Variants in ZC3H12B observed in about 807,000 individuals in gnomAD.
ZC3H12B encodes probable ribonuclease ZC3H12B.
Under a neutral mutation model 43.9 loss-of-function variants are expected in ZC3H12B, and 7 were observed. The ratio of observed to expected loss-of-function variants is 0.16; its 90% CI spans 0.09 to 0.30. ZC3H12B has a LOEUF of 0.30. Ranked by LOEUF, ZC3H12B falls within the 10% of genes least tolerant of loss-of-function variation. ZC3H12B has a pLI of 1.00. For missense variants in ZC3H12B, 475 were observed against 670.2 expected (o/e 0.71, Z 3.22); for synonymous variants, 222 against 241.7 (o/e 0.92, Z 0.76).
the ZC3H12B span, among the ~76,000 whole-genome samples, chrX:65,268,251 A>G: frequency 4.3e-4 from 48 of 112,361 alleles, no homozygotes; most frequent in Non-Finnish European, 8.1e-4. Flanking sequence ...AATAACGAAG[A>G]GACTGAAGAA....
At chrX:65,378,392 A>C (rs1177249158) in intron 2 of ZC3H12B, among the ~76,000 whole-genome samples, 3 of 111,632 alleles carry the variant, frequency 2.7e-5, no homozygotes, top group African/African-American at 9.8e-5. Flanking sequence ...AGACTTTATC[A>C]CTCTGAAAAT....
the ZC3H12B span, among the ~76,000 whole-genome samples, chrX:65,064,038 C>A: frequency 2.7e-5 from 3 of 111,378 alleles, no homozygotes; most frequent in Non-Finnish European, 3.8e-5. Context: ...CTATTTGATT[C>A]TTCTTTCTTT....
the ZC3H12B span, among the ~76,000 whole-genome samples, chrX:65,251,070 G>A: frequency 2.1e-4 from 24 of 111,969 alleles, no homozygotes; most frequent in East Asian, 5.3e-3. Context: ...TATGGTTTTA[G>A]GTCTAACATT....
chrX:65,083,134 G>A, the ZC3H12B span, among the ~76,000 whole-genome samples: 1 of 111,289 alleles, frequency 9.0e-6, no homozygotes, highest in East Asian at 2.8e-4. Context: ...AGCCATATAT[G>A]ACAGACCCAC....
chrX:65,306,911 C>T, the ZC3H12B span, among the ~76,000 whole-genome samples: 2 of 112,009 alleles, frequency 1.8e-5, no homozygotes, highest in African/African-American at 6.5e-5. Flanking sequence ...AGTGAAAGAG[C>T]CTGACAAATT....
At chrX:65,154,374 T>A in the ZC3H12B span, among the ~76,000 whole-genome samples, 25,561 of 111,440 alleles carry the variant, frequency 0.23, 7,162 homozygotes, top group African/African-American at 0.8. Flanking sequence ...TTATGTTTTC[T>A]GTTTTGCACT....
At chrX:65,294,935 A>T in the ZC3H12B span, among the ~76,000 whole-genome samples, 1 of 110,787 alleles carries the variant, frequency 9.0e-6, no homozygotes, top group African/African-American at 3.3e-5. Flanking sequence ...ACAGCACTAG[A>T]CAGGTCATAA....
chrX:65,113,083 G>A, the ZC3H12B span, among the ~76,000 whole-genome samples: 1 of 111,474 alleles, frequency 9.0e-6, no homozygotes, highest in Admixed American at 9.5e-5. Flanking sequence ...CCTTATGGAT[G>A]ACATTGAGGG....
At chrX:65,198,230 T>G in the ZC3H12B span, among the ~76,000 whole-genome samples, 1 of 112,291 alleles carries the variant, frequency 8.9e-6, no homozygotes, top group Non-Finnish European at 1.9e-5. Flanking sequence ...TTATTTTTTA[T>G]TGGATTATCT....
chrX:65,262,796 ATTG>A, the ZC3H12B span, among the ~76,000 whole-genome samples: 1 of 110,450 alleles, frequency 9.1e-6, no homozygotes, highest in Non-Finnish European at 1.9e-5. Flanking sequence ...ATTTTCATGC[ATTG>A]TTATTTTTAT....
the ZC3H12B span, among the ~76,000 whole-genome samples, chrX:65,101,704 C>T: frequency 4.5e-5 from 5 of 111,836 alleles, no homozygotes; most frequent in Non-Finnish European, 9.4e-5. Context: ...GAAGTCAAAT[C>T]CCTGAATAGA....
chrX:65,147,762 G>A, the ZC3H12B span, among the ~76,000 whole-genome samples: 1 of 110,884 alleles, frequency 9.0e-6, no homozygotes, highest in Non-Finnish European at 1.9e-5. Context: ...TGGAGTCTGG[G>A]GCCATGGAGT....
At chrX:65,355,192 AT>A in the ZC3H12B span, among the ~76,000 whole-genome samples, 2 of 111,571 alleles carry the variant, frequency 1.8e-5, no homozygotes, top group Non-Finnish European at 3.8e-5. Flanking sequence ...GAAGAAAAAA[AT>A]GTTAAGGGCA....
the ZC3H12B span, among the ~76,000 whole-genome samples, chrX:65,071,198 T>G: frequency 9.0e-6 from 1 of 110,716 alleles, no homozygotes; most frequent in African/African-American, 3.3e-5. Flanking sequence ...CCCTTTACCA[T>G]TATATAATGC....
At chrX:65,058,724 C>G in the ZC3H12B span, among the ~76,000 whole-genome samples, 1 of 111,923 alleles carries the variant, frequency 8.9e-6, no homozygotes, top group Non-Finnish European at 1.9e-5. Flanking sequence ...TGGGCTCCAC[C>G]CAGTTCAAGC....
At chrX:65,039,900 T>A in the ZC3H12B span, among the ~76,000 whole-genome samples, 8 of 111,424 alleles carry the variant, frequency 7.2e-5, no homozygotes, top group Non-Finnish European at 1.3e-4. Context: ...AAAGTAGGGA[T>A]CCTTTCATTT....
chrX:65,321,080 A>T, the ZC3H12B span, among the ~76,000 whole-genome samples: 3 of 111,972 alleles, frequency 2.7e-5, no homozygotes, highest in Non-Finnish European at 5.6e-5. Context: ...GCACCACCAA[A>T]TAAACTATCA....
intron 3 of ZC3H12B, among the ~76,000 whole-genome samples, chrX:65,462,700 C>A (rs1301643283): frequency 3.6e-5 from 4 of 111,373 alleles, no homozygotes; most frequent in Non-Finnish European, 7.5e-5. Context: ...CTGTTGAAAG[C>A]AGTTTGGAGA....
chrX:65,403,417 G>GA (rs1449790989), intron 3 of ZC3H12B, among the ~76,000 whole-genome samples: 1 of 111,405 alleles, frequency 9.0e-6, no homozygotes, highest in Non-Finnish European at 1.9e-5. Flanking sequence ...TTATTCAACA[G>GA]GATAATAAAA....
Sources: gnomAD v4.1 joint callset for allele counts (sites outside exome capture counted in the v4.1 genomes callset) on GRCh38, gnomAD v4.1.1 for gene constraint, MANE v1.5 for transcripts, NCBI Gene and HGNC (gene_info 2026-07-23, HGNC 2026-07-21) for gene names.